AIFM3: variants seen among roughly 807,000 people sequenced by gnomAD.
AIFM3 encodes the protein AIF family member 3, also known as apoptosis-inducing factor 3.
Under a neutral mutation model 82.7 loss-of-function variants are expected in AIFM3, and 71 were observed. The ratio of observed to expected loss-of-function variants is 0.86; its 90% CI spans 0.71 to 1.05. The LOEUF (loss-of-function observed/expected upper bound fraction) is 1.05, where lower values mean the gene tolerates loss of function less well. AIFM3 is among the 50% of genes least tolerant of loss of function. The probability of loss-of-function intolerance (pLI) is 0.00; values close to 1 mark genes in which losing one functional copy is unlikely to be tolerated. For synonymous variants in AIFM3, 337 were observed against 329.1 expected (o/e 1.02, Z -0.26); for missense variants, 748 against 816.7 (o/e 0.92, Z 1.03).
intron 2 of AIFM3, among the ~76,000 whole-genome samples, chr22:20,969,480 A>G (rs1253838016): frequency 6.6e-6 from 1 of 151,604 alleles, no homozygotes; most frequent in Non-Finnish European, 1.5e-5. Context: ...CCCATGCTGG[A>G]GTGCAGTGGC....
At position 20,974,802 on chromosome 22, in the gene AIFM3, C is replaced by A; in HGVS notation, c.706C>A (p.Pro236Thr). 1 of 1,612,588 alleles carries A rather than the reference C, an allele frequency of 6.2e-7. No individual in the cohort carries two copies. The highest frequency in any genetic ancestry group is 2.2e-5 in the East Asian group (1 of 44,888). The change falls in exon 8 of 21, where the codon CCC becomes ACC. Residue 236 changes from proline to threonine, a missense_variant. Around this residue, in one of 5 missense-constraint regions of AIFM3, gnomAD observed 393 missense variants for 481.1 expected, o/e 0.82. Coordinates refer to ENST00000440238, the MANE Select transcript of AIFM3 (RefSeq NM_001386814.1). ...AGACCGGCACCTTCCCTACGACCGT[C>A]CCAAGCTCAGCAAGGTACAGGGGGT... ...TLDRHLPYDR[P>T]KLSKSLDTQP...
intron 19 of AIFM3, chr22:20,980,407 G>A (rs1453952153): frequency 1.7e-6 from 1 of 595,640 alleles, no homozygotes; most frequent in Non-Finnish European, 3.0e-6. Context: ...GCAATCACCA[G>A]GCGTGGGACA....
chr22:20,978,633 A>G (rs1158562057), intron 16 of AIFM3, among the ~76,000 whole-genome samples: 4 of 151,510 alleles, frequency 2.6e-5, no homozygotes, highest in Non-Finnish European at 5.9e-5. Context: ...CTCTGCACCC[A>G]TCTCCCCTTT....
At chr22:20,974,399 C>T (rs963480254) in intron 6 of AIFM3, 103 bp downstream of exon 6, 64 of 1,565,762 alleles carry the variant, frequency 4.1e-5, no homozygotes, top group African/African-American at 3.2e-4. Flanking sequence ...GAGCTTGGCA[C>T]GTGTCACTGG....
rs1239387693 is a variant in AIFM3 at position 20,976,406 on chromosome 22, A to G, written c.900-2A>G. 2 of 1,613,922 alleles carry G rather than the reference A, an allele frequency of 1.2e-6. No homozygotes were observed. Among genetic ancestry groups the G allele is most frequent in the South Asian group, 2.2e-5 (2 of 91,072 alleles). ...GCCCTCACTGACACGGCCATGTCTC[A>G]GCCCCAAGACTCTGAGCTGCAAAGG... On this transcript the variant is annotated splice_acceptor_variant, in intron 10 of 20. Transcript: ENST00000440238. LOFTEE classifies it high-confidence loss of function.
intron 3 of AIFM3, 101 bp downstream of exon 3, chr22:20,973,621 C>A: frequency 7.1e-7 from 1 of 1,411,002 alleles, no homozygotes; most frequent in Non-Finnish European, 9.6e-7. Flanking sequence ...GGGGCTATGA[C>A]CAGCTGCTGC....
At chr22:20,978,368 A>AT (rs1923836861) in intron 16 of AIFM3, among the ~76,000 whole-genome samples, 3 of 152,096 alleles carry the variant, frequency 2.0e-5, no homozygotes, top group Non-Finnish European at 2.9e-5. Context: ...CCACTCAAGT[A>AT]TCTCTGTGAA....
intron 2 of AIFM3, among the ~76,000 whole-genome samples, chr22:20,972,134 G>A (rs1036371539): frequency 4.6e-5 from 7 of 152,234 alleles, no homozygotes; most frequent in Non-Finnish European, 8.8e-5. Context: ...GCCGGGAGTG[G>A]TGGCCCACGC....
upstream of AIFM3, chr22:20,966,717 C>T (rs1040553990): frequency 1.3e-5 from 2 of 152,332 alleles, no homozygotes; most frequent in Admixed American, 6.5e-5. Context: ...AAGGCCCACC[C>T]TGTAGCCTGG....
chr22:20,981,144 C>A lies in AIFM3; in HGVS notation c.*113C>A. 6.8e-7 allele frequency: 1 copy of A among 1,461,488 alleles called. No individual in the cohort carries two copies. Among genetic ancestry groups the A allele is most frequent in the Non-Finnish European group, 9.4e-7 (1 of 1,068,334 alleles). The allele number at this position is 1,461,488 out of a possible 1,614,324, so 90.5% of individuals were successfully genotyped here. ...GATCCCCCAGGGCAGAACCTGAGCC[C>A]TCCCAGTGCTTGCCTTCAGCCACCT... On this transcript the variant is annotated 3_prime_UTR_variant, in exon 21 of 21. Transcript: ENST00000440238.
At chr22:20,974,504 C>T in intron 6 of AIFM3, 21 bp from the exon 7 acceptor site, 1 of 1,603,808 alleles carries the variant, frequency 6.2e-7, no homozygotes. Flanking sequence ...CAGTGACCCT[C>T]CACCCTCCTG....
chr22:20,979,215 T>G, intron 16 of AIFM3, 56 bp from the exon 17 acceptor site: 1 of 1,521,258 alleles, frequency 6.6e-7, no homozygotes, highest in Non-Finnish European at 8.9e-7. Context: ...CAGGAGCAGG[T>G]AGTGTGGGAG....
intron 3 of AIFM3, 26 bp downstream of exon 3, chr22:20,973,546 G>A (rs1923415718): frequency 8.8e-6 from 14 of 1,593,876 alleles, no homozygotes; most frequent in Non-Finnish European, 1.2e-5. Context: ...GCCTGGGAGC[G>A]GGGATCAGGG....
intron 14 of AIFM3, 197 bp from the exon 15 acceptor site, chr22:20,977,503 G>A (rs538968238): frequency 6.2e-6 from 4 of 643,166 alleles, no homozygotes; most frequent in Non-Finnish European, 1.1e-5. Context: ...TGGAGAAGGT[G>A]ATATCTGAGG....
At chr22:20,979,454 G>C in intron 17 of AIFM3, 85 bp downstream of exon 17, 1 of 1,475,858 alleles carries the variant, frequency 6.8e-7, no homozygotes, top group Non-Finnish European at 9.3e-7. Flanking sequence ...GAGCCTAGGG[G>C]CAGGGCTATG....
chr22:20,976,912 T>A lies in AIFM3; in HGVS notation c.1192T>A (p.Ser398Thr). The change falls in exon 13 of 21, where the codon TCT (serine) becomes ACT (threonine). Residue 398 changes from serine to threonine, a missense_variant. Around this residue, in one of 5 missense-constraint regions of AIFM3, gnomAD observed 393 missense variants for 481.1 expected, o/e 0.82. Transcript: ENST00000440238. ...GAAGTTCTACATGCAGACGGAGGTGTCTGAGCTGCGGGGCCAGGAGGGAAA... is the reference window on the plus strand; with the variant it reads ...GAAGTTCTACATGCAGACGGAGGTGACTGAGCTGCGGGGCCAGGAGGGAAA... ...RVKFYMQTEV[S>T]ELRGQEGKLK... The A allele has an allele frequency of 6.2e-7, 1 of 1,610,214 alleles. No homozygotes were observed. Among genetic ancestry groups the A allele is most frequent in the Non-Finnish European group, 8.5e-7 (1 of 1,177,246 alleles).
intron 2 of AIFM3, among the ~76,000 whole-genome samples, chr22:20,973,004 A>C (rs970717296): frequency 2.6e-5 from 4 of 151,722 alleles, no homozygotes. Context: ...CCGAGATTGC[A>C]TGACTGCACT....
rs753411995 is a variant in AIFM3, at chr22:20,976,516, C to T, written c.1008C>T (p.Val336=). The change falls in exon 11 of 21, where the codon GTC becomes GTT. Residue 336 remains valine (V), a synonymous_variant. Coordinates refer to ENST00000440238, the MANE Select transcript of AIFM3 (RefSeq NM_001386814.1). ...VVRLARGRNV[V]VVGAGFLGME... ...GGCTGGCCCGAGGCCGCAACGTGGT[C>T]GTCGTGGGAGCCGGCTTCCTGGGTG... 83 of 1,613,442 alleles carry T rather than the reference C, an allele frequency of 5.1e-5. No homozygotes were observed. Among genetic ancestry groups the T allele is most frequent in the Non-Finnish European group, 6.4e-5 (75 of 1,180,030 alleles).
At position 20,974,844 on chromosome 22, in the gene AIFM3, C is replaced by A. The variant is rs767165531; in HGVS notation, c.720+28C>A. ...ACAGGGGGTGGGGCAAGTAGGGACCCTATCCCTCTGGGTCCCAGTTAAGCC... is the reference window on the plus strand; with the variant it reads ...ACAGGGGGTGGGGCAAGTAGGGACCATATCCCTCTGGGTCCCAGTTAAGCC... On this transcript the variant is annotated intron_variant, in intron 8 of 20. Coordinates refer to ENST00000440238, the MANE Select transcript of AIFM3 (RefSeq NM_001386814.1). The A allele has an allele frequency of 1.1e-5, 18 of 1,607,224 alleles. No individual in the cohort carries two copies. The African/African-American group carries it at 2.3e-4, about 20-fold the overall frequency.
Sources: gnomAD v4.1 joint callset for allele counts (sites outside exome capture counted in the v4.1 genomes callset) on GRCh38, gnomAD v4.1.1 for gene constraint, gnomAD v4.1.1 regional missense constraint, MANE v1.5 for transcripts, NCBI Gene and HGNC (gene_info 2026-07-23, HGNC 2026-07-21) for gene names.